PLCE1: variants seen among roughly 807,000 people sequenced by gnomAD.
The protein encoded by PLCE1 is 1-phosphatidylinositol 4,5-bisphosphate phosphodiesterase epsilon-1.
A neutral mutation model predicts 242.8 loss-of-function variants in PLCE1; 119 were observed. That is an observed-to-expected ratio of 0.49 (90% CI 0.42 to 0.57). The LOEUF (loss-of-function observed/expected upper bound fraction) is 0.57. Ranked by LOEUF, PLCE1 falls within the 20% of genes least tolerant of loss-of-function variation. PLCE1 has a pLI of 0.00. For synonymous variants in PLCE1, 945 were observed against 1,017.4 expected (o/e 0.93, Z 1.35); for missense variants, 2,441 against 2,788.8 (o/e 0.88, Z 2.81).
At chr10:94,077,408 A>G (rs896077071) in intron 2 of PLCE1, among the ~76,000 whole-genome samples, 24 of 152,214 alleles carry the variant, frequency 1.6e-4, no homozygotes, top group Non-Finnish European at 2.8e-4. Flanking sequence ...ATTCTTTGCA[A>G]TGGTGCACTG....
intron 3 of PLCE1, among the ~76,000 whole-genome samples, chr10:94,168,905 T>G (rs2047890519): frequency 1.3e-5 from 2 of 152,236 alleles, no homozygotes; most frequent in Non-Finnish European, 2.9e-5. Flanking sequence ...AGCCACATTC[T>G]GATTCAATTT....
rs143458355 is a variant in PLCE1 at position 94,010,661 on chromosome 10, C to T, written c.-365+16403C>T. Among the ~76,000 whole-genome samples, 558 of 152,276 alleles carry T rather than the reference C, an allele frequency of 3.7e-3. 2 individuals are homozygous for T. The highest frequency in any genetic ancestry group is 0.012 in the African/African-American group (512 of 41,538). On this transcript the variant is annotated intron_variant, in intron 1 of 32. Transcript: ENST00000371380. ...GTCAGGCTACCTCTTGAATGCTTTG[C>T]TGCTTAAAAAATTTCTTCTGCCAAA...
chr10:94,136,425 A>C (rs766239809), intron 3 of PLCE1, among the ~76,000 whole-genome samples: 15 of 152,208 alleles, frequency 9.9e-5, no homozygotes, highest in Non-Finnish European at 2.1e-4. Context: ...AAGAAGAAAT[A>C]ATTGGGAAAA....
At chr10:94,172,551 G>T (rs1306358726) in intron 4 of PLCE1, among the ~76,000 whole-genome samples, 1 of 152,144 alleles carries the variant, frequency 6.6e-6, no homozygotes, top group African/African-American at 2.4e-5. Flanking sequence ...TTCTGGCAAG[G>T]TGCGGTGGCT....
chr10:94,057,041 T>G (rs1240081953), intron 2 of PLCE1, among the ~76,000 whole-genome samples: 1 of 152,220 alleles, frequency 6.6e-6, no homozygotes, highest in African/African-American at 2.4e-5. Context: ...TTTTTATGTA[T>G]CCATTCATCA....
At chr10:94,256,351 A>AAAG (rs1222792636) in intron 11 of PLCE1, among the ~76,000 whole-genome samples, 1 of 136,298 alleles carries the variant, frequency 7.3e-6, no homozygotes, top group Non-Finnish European at 1.6e-5. Context: ...AGAAAGAAAG[A>AAAG]AAGAAAGAAA....
At chr10:94,029,817 G>A (rs943392206) in intron 1 of PLCE1, among the ~76,000 whole-genome samples, 1 of 152,178 alleles carries the variant, frequency 6.6e-6, no homozygotes, top group African/African-American at 2.4e-5. Flanking sequence ...GTTGGCAGCA[G>A]AGCGTGACTG....
Position 94,259,086 on chromosome 10 carries a change from G to T in PLCE1, c.3750G>T (p.Glu1250Asp). 6.2e-7 allele frequency: 1 copy of T among 1,614,068 alleles called. No individual in the cohort carries two copies. The highest frequency in any genetic ancestry group is 8.5e-7 in the Non-Finnish European group (1 of 1,179,978). ...TGCCCTGCAACCGATCTGGCTCCGAGTCAGCCCCACTCTACACCAACCTGA... is the reference window on the plus strand; with the variant it reads ...TGCCCTGCAACCGATCTGGCTCCGATTCAGCCCCACTCTACACCAACCTGA... ...YAVPCNRSGS[E>D]SAPLYTNLTI... Residue 1250 changes from glutamate to aspartate, a missense_variant, in exon 13 of 33, where the codon GAG becomes GAT. By Grantham distance (45) the Glu-to-Asp change is conservative. Coordinates refer to ENST00000371380, the MANE Select transcript of PLCE1 (RefSeq NM_016341.4).
chr10:94,277,389 A>G (rs150257514), intron 19 of PLCE1, among the ~76,000 whole-genome samples: 124 of 152,250 alleles, frequency 8.1e-4, no homozygotes, highest in African/African-American at 1.5e-3. Flanking sequence ...ACTTTTATTC[A>G]GGGGCTGAGG....
At chr10:94,171,158 G>C (rs1408001776) in intron 3 of PLCE1, 22 bp from the exon 4 acceptor site, 3 of 1,607,530 alleles carry the variant, frequency 1.9e-6, no homozygotes, top group Non-Finnish European at 2.6e-6. Flanking sequence ...ATGTAACCAC[G>C]ACTTCTGTTG....
At chr10:94,048,935 T>C (rs1008539444) in intron 2 of PLCE1, among the ~76,000 whole-genome samples, 3 of 151,428 alleles carry the variant, frequency 2.0e-5, no homozygotes, top group Non-Finnish European at 4.4e-5. Flanking sequence ...GCTATTTTTT[T>C]TTATTTTTAG....
At chr10:94,110,955 C>A (rs184265957) in intron 2 of PLCE1, among the ~76,000 whole-genome samples, 1 of 152,142 alleles carries the variant, frequency 6.6e-6, no homozygotes, top group Admixed American at 6.5e-5. Context: ...TGTAGCATGC[C>A]CTCAGTTGTG....
chr10:94,287,549 C>T (rs1454325378), intron 22 of PLCE1: 1 of 151,988 alleles, frequency 6.6e-6, no homozygotes, highest in East Asian at 1.9e-4. Flanking sequence ...AAGGAACTTC[C>T]CCACCATCAG....
chr10:94,118,644 C>T (rs1340037565), intron 2 of PLCE1, among the ~76,000 whole-genome samples: 1 of 152,214 alleles, frequency 6.6e-6, no homozygotes, highest in Non-Finnish European at 1.5e-5. Context: ...TGACTTGCTC[C>T]TCCTTGCCTT....
At chr10:94,168,713 C>T (rs2136295413) in intron 3 of PLCE1, among the ~76,000 whole-genome samples, 1 of 152,262 alleles carries the variant, frequency 6.6e-6, no homozygotes, top group East Asian at 1.9e-4. Flanking sequence ...TATTGTATTA[C>T]ATTATCTCTT....
rs2054148799 is a variant in PLCE1 at position 94,330,735 on chromosome 10, AC to A, written c.*2793del. 1 of 152,148 alleles carries A rather than the reference AC, an allele frequency of 6.6e-6. No individual in the cohort carries two copies. The highest frequency in any genetic ancestry group is 2.4e-5 in the African/African-American group (1 of 41,430). The allele number at this position is 152,148 out of a possible 1,614,324, so 9.4% of individuals were successfully genotyped here. A position where few individuals can be genotyped will look rare whatever the true frequency, so the allele number is the denominator to read the frequency against. ...TAAAGAGTCTAGTCTACTATTATAC[AC>A]AAATGGCCAGCACAATCTGATGTTG... On this transcript the variant is annotated 3_prime_UTR_variant, in exon 33 of 33. Transcript: ENST00000371380.
In PLCE1 at chr10:94,316,593, T is replaced by C; in HGVS notation, c.6179T>C (p.Phe2060Ser). ...QDIKPVTTDY[F>S]LMEEKYFISK... ...ATCAAACCTGTTACCACAGACTATT[T>C]TTTGATGGAAGAAAAATATTTTATA... The change falls in exon 29 of 33, where the codon TTT (phenylalanine) becomes TCT (serine). Residue 2060 changes from phenylalanine (F) to serine (S), a missense_variant. Transcript: ENST00000371380. The C allele has an allele frequency of 6.2e-7, 1 of 1,609,882 alleles. No individual in the cohort carries two copies. The highest frequency in any genetic ancestry group is 1.1e-5 in the South Asian group (1 of 90,872).
chr10:94,135,705 T>C (rs111823748), intron 3 of PLCE1, among the ~76,000 whole-genome samples: 175 of 152,338 alleles, frequency 1.1e-3, no homozygotes, highest in Admixed American at 1.5e-3. Context: ...ACACTATTGT[T>C]GGAATACTGA....
At chr10:94,147,636 C>A (rs919352860) in intron 3 of PLCE1, among the ~76,000 whole-genome samples, 1 of 152,018 alleles carries the variant, frequency 6.6e-6, no homozygotes, top group African/African-American at 2.4e-5. Context: ...TGAAACAATA[C>A]CCTAGTTCCC....
Sources: gnomAD v4.1 joint callset for allele counts (sites outside exome capture counted in the v4.1 genomes callset) on GRCh38, gnomAD v4.1.1 for gene constraint, MANE v1.5 for transcripts, NCBI Gene and HGNC (gene_info 2026-07-23, HGNC 2026-07-21) for gene names.